The following TMEM266 variants were observed in gnomAD, a reference collection of about 807,000 sequenced individuals.
TMEM266 encodes the protein transmembrane protein 266, also known as Hv1 related protein 1.
Under a neutral mutation model 50.5 loss-of-function variants are expected in TMEM266, and 33 were observed. That is an observed-to-expected ratio of 0.65 (90% CI 0.50 to 0.87). TMEM266 has a LOEUF of 0.87. Ranked by LOEUF, TMEM266 falls within the 40% of genes least tolerant of loss-of-function variation. TMEM266 has a pLI of 0.00. For missense variants in TMEM266, 655 were observed against 695.1 expected (o/e 0.94, Z 0.65); for synonymous variants, 310 against 292.3 (o/e 1.06, Z -0.62).
At chr15:76,181,655 G>C (rs1215570529) in intron 8 of TMEM266, among the ~76,000 whole-genome samples, 2 of 152,178 alleles carry the variant, frequency 1.3e-5, no homozygotes, top group East Asian at 1.9e-4. Context: ...CCAAAGTCAC[G>C]ATGCTAGAGG....
chr15:76,088,140 A>T (rs893206434), intron 1 of TMEM266, among the ~76,000 whole-genome samples: 10 of 152,190 alleles, frequency 6.6e-5, no homozygotes, highest in African/African-American at 2.2e-4. Context: ...TTCTTCCTCA[A>T]CATCCACTGA....
intron 1 of TMEM266, among the ~76,000 whole-genome samples, chr15:76,129,143 C>G (rs1046454513): frequency 6.6e-6 from 1 of 151,980 alleles, no homozygotes; most frequent in Non-Finnish European, 1.5e-5. Flanking sequence ...TTTTTGCAAA[C>G]CTTAATGAAT....
chr15:76,072,425 C>T (rs746070015), intron 1 of TMEM266, among the ~76,000 whole-genome samples: 6 of 125,250 alleles, frequency 4.8e-5, no homozygotes, highest in Non-Finnish European at 8.0e-5. Flanking sequence ...GCAACAAGAG[C>T]GAAAAACTCT....
chr15:76,067,974 C>T (rs966038011), intron 1 of TMEM266, among the ~76,000 whole-genome samples: 3 of 152,222 alleles, frequency 2.0e-5, no homozygotes, highest in Non-Finnish European at 4.4e-5. Flanking sequence ...TAAGACAGCA[C>T]TCGCAGGTGC....
intron 3 of TMEM266, among the ~76,000 whole-genome samples, chr15:76,152,061 G>C (rs2142043398): frequency 6.6e-6 from 1 of 152,246 alleles, no homozygotes; most frequent in South Asian, 2.1e-4. Context: ...CACTGACCTG[G>C]AGGCAGATCC....
chr15:76,120,430 C>G (rs569635157), intron 1 of TMEM266, among the ~76,000 whole-genome samples: 1 of 151,852 alleles, frequency 6.6e-6, no homozygotes, highest in African/African-American at 2.4e-5. Context: ...ATATAATGAA[C>G]TATTTTTATA....
At chr15:76,122,098 G>T (rs2037355754) in intron 1 of TMEM266, among the ~76,000 whole-genome samples, 1 of 152,230 alleles carries the variant, frequency 6.6e-6, no homozygotes, top group Non-Finnish European at 1.5e-5. Flanking sequence ...TTTGGTCTTG[G>T]CTTAGCCTCT....
intron 1 of TMEM266, among the ~76,000 whole-genome samples, chr15:76,086,582 G>A (rs970625556): frequency 6.6e-6 from 1 of 152,194 alleles, no homozygotes; most frequent in Admixed American, 6.5e-5. Context: ...CAAGCAAGGG[G>A]CTCAAGAGCC....
chr15:76,183,103 C>CTTTTTTTTTTTTTTTTTTTTTTTTTTTTT lies in TMEM266; in HGVS notation c.768+7431_768+7459dup, dbSNP rs71140199. On this transcript the variant is annotated intron_variant, in intron 8 of 10. Coordinates refer to ENST00000388942, the MANE Select transcript of TMEM266 (RefSeq NM_152335.3). ...CCTCCAGGCTGCTTCCATTTTGTGG[C>CTTTTTTTTTTTTTTTTTTTTTTTTTTTTT]TTTTTTTTTTTTTTTTTTTTTTTTT... Among the ~76,000 whole-genome samples, 3 of 44,126 alleles carry CTTTTTTTTTTTTTTTTTTTTTTTTTTTTT rather than the reference C, an allele frequency of 6.8e-5. 1 individual carries two copies. The highest frequency in any genetic ancestry group is 1.1e-4 in the Non-Finnish European group (3 of 26,174). 28.9% of individuals were successfully genotyped at this position (44,126 alleles called of 152,430 possible).
intron 3 of TMEM266, among the ~76,000 whole-genome samples, chr15:76,151,483 C>A (rs1402807046): frequency 1.3e-5 from 2 of 152,140 alleles, no homozygotes; most frequent in Non-Finnish European, 2.9e-5. Context: ...GTTCTGGAGC[C>A]CTGGGGTCTG....
chr15:76,092,106 G>C (rs2036857161), intron 1 of TMEM266, among the ~76,000 whole-genome samples: 1 of 152,034 alleles, frequency 6.6e-6, no homozygotes, highest in Non-Finnish European at 1.5e-5. Flanking sequence ...AAGAAAAAAA[G>C]AAATCTGTAT....
chr15:76,156,840 C>T, intron 4 of TMEM266, 82 bp downstream of exon 4: 1 of 1,435,966 alleles, frequency 7.0e-7, no homozygotes, highest in Non-Finnish European at 9.5e-7. Flanking sequence ...GGGTCCCCAA[C>T]CTGCAGGCTG....
At chr15:76,130,080 C>G (rs957675899) in intron 1 of TMEM266, among the ~76,000 whole-genome samples, 2 of 150,240 alleles carry the variant, frequency 1.3e-5, no homozygotes, top group African/African-American at 4.9e-5. Flanking sequence ...AAAAGGTAGC[C>G]GGGTGTGGTG....
intron 1 of TMEM266, among the ~76,000 whole-genome samples, chr15:76,122,555 A>T (rs2037361326): frequency 6.6e-6 from 1 of 152,252 alleles, no homozygotes; most frequent in African/African-American, 2.4e-5. Flanking sequence ...AGTTAATAGC[A>T]TGTAAAGCAA....
At chr15:76,142,346 G>A (rs917615297) in intron 3 of TMEM266, among the ~76,000 whole-genome samples, 21 of 150,826 alleles carry the variant, frequency 1.4e-4, no homozygotes, top group Admixed American at 9.8e-4. Flanking sequence ...TTGAGATCAC[G>A]CAGCCACTGC....
intron 5 of TMEM266, among the ~76,000 whole-genome samples, chr15:76,166,439 A>T (rs1469403990): frequency 6.6e-6 from 1 of 152,226 alleles, no homozygotes; most frequent in African/African-American, 2.4e-5. Flanking sequence ...GGCTCAAGCC[A>T]GGCCTCCGAG....
chr15:76,181,771 T>C (rs576370115), intron 8 of TMEM266, among the ~76,000 whole-genome samples: 79 of 152,312 alleles, frequency 5.2e-4, no homozygotes, highest in Admixed American at 7.8e-4. Flanking sequence ...TGCAACGATA[T>C]ACTCTTCTGA....
intron 8 of TMEM266, among the ~76,000 whole-genome samples, chr15:76,186,748 C>T (rs982499223): frequency 1.3e-5 from 2 of 152,348 alleles, no homozygotes; most frequent in Admixed American, 1.3e-4. Context: ...CTCCATTCTG[C>T]GGTCAGCATG....
In TMEM266 at chr15:76,102,113, A is replaced by G. The variant is rs116030121; in HGVS notation, c.-96-32055A>G. On this transcript the variant is annotated intron_variant, in intron 1 of 10. Coordinates refer to ENST00000388942, the MANE Select transcript of TMEM266 (RefSeq NM_152335.3). ...CCAGGCCCCTAACATTATGTCCCCT[A>G]GTGTCTTCATGACACTAGGATGGGA... is the stretch of plus-strand genomic sequence containing the variant. Among the ~76,000 whole-genome samples, 424 of 152,250 alleles carry G rather than the reference A, an allele frequency of 2.8e-3. 2 individuals carry two copies. The highest frequency in any genetic ancestry group is 9.9e-3 in the African/African-American group (413 of 41,550).
Sources: gnomAD v4.1 joint callset for allele counts (sites outside exome capture counted in the v4.1 genomes callset) on GRCh38, gnomAD v4.1.1 for gene constraint, MANE v1.5 for transcripts, NCBI Gene and HGNC (gene_info 2026-07-23, HGNC 2026-07-21) for gene names.